ANKRA2: variants seen among roughly 807,000 people sequenced by gnomAD.
ANKRA2 encodes ankyrin repeat family A protein 2.
ANKRA2 carries 33 observed loss-of-function variants against 37.8 expected under a neutral mutation model. That is an observed-to-expected ratio of 0.87 (90% confidence interval 0.66 to 1.17). The LOEUF is 1.17. ANKRA2 is among the 50% of genes most tolerant of loss of function. ANKRA2 has a pLI of 0.00. For synonymous variants in ANKRA2, 126 were observed against 132.3 expected (o/e 0.95, Z 0.33); for missense variants, 326 against 373.7 (o/e 0.87, Z 1.05).
At chr5:73,564,669 CCTTT>C (rs1367749148) in intron 1 of ANKRA2, among the ~76,000 whole-genome samples, 1 of 152,174 alleles carries the variant, frequency 6.6e-6, no homozygotes, top group African/African-American at 2.4e-5. Context: ...TTGAAATAGG[CCTTT>C]CTAATATTCT....
At position 73,557,696 on chromosome 5, in the gene ANKRA2, T is replaced by A. The variant is rs1460147505; in HGVS notation, c.449-56A>T. The A allele has an allele frequency of 4.7e-6, 6 of 1,272,364 alleles. No individual in the cohort carries two copies. The African/African-American group carries it at 9.0e-5, about 19-fold the overall frequency. The allele number at this position is 1,272,364 out of a possible 1,614,324, so 78.8% of individuals were successfully genotyped here. On this transcript the variant is annotated intron_variant, in intron 3 of 8. Coordinates refer to ENST00000296785, the MANE Select transcript of ANKRA2 (RefSeq NM_023039.5). ...TTATCTATAGGGTACACTTGCATCA[T>A]CCCATGGTTCATGTTTGTGTCACCA...
Position 73,554,879 on chromosome 5 carries a change from A to G in ANKRA2, c.720T>C (p.Asp240=), listed in dbSNP as rs1406615797. ...IVKMLLDCGV[D]VNEYDWNGGT... is the part of the protein sequence containing the mutation. ...AACTTACCCAATCATATTCATTTAC[A>G]TCAACTCCACAATCAAGCAGCATTT... is the stretch of plus-strand genomic sequence containing the variant. Residue 240 remains aspartate, a synonymous_variant, in exon 6 of 9, where the codon GAT becomes GAC. Coordinates refer to ENST00000296785, the MANE Select transcript of ANKRA2 (RefSeq NM_023039.5). The G allele has an allele frequency of 2.5e-6, 4 of 1,613,788 alleles. No individual in the cohort carries two copies. The Admixed American group carries it at 5.0e-5, about 20-fold the overall frequency.
intron 7 of ANKRA2, among the ~76,000 whole-genome samples, chr5:73,553,963 G>A (rs1010363932): frequency 7.9e-5 from 12 of 152,090 alleles, no homozygotes; most frequent in Non-Finnish European, 1.5e-4. Context: ...TAGAGACGGG[G>A]TTTCGCCATG....
chr5:73,559,269 T>C (rs1469319749), intron 3 of ANKRA2, among the ~76,000 whole-genome samples: 1 of 152,220 alleles, frequency 6.6e-6, no homozygotes, highest in African/African-American at 2.4e-5. Flanking sequence ...CTTTAGAATA[T>C]AGATATATTT....
intron 3 of ANKRA2, among the ~76,000 whole-genome samples, chr5:73,558,584 G>A (rs1303101969): frequency 1.3e-5 from 2 of 152,162 alleles, no homozygotes; most frequent in African/African-American, 2.4e-5. Flanking sequence ...ACCCAGGCTT[G>A]AGTGCAGTGG....
In ANKRA2 at chr5:73,560,451, C is replaced by T. The variant is rs116562929; in HGVS notation, c.448+679G>A. 4.9e-3 allele frequency among the ~76,000 whole-genome samples: 742 copies of T among 152,286 alleles called. 7 individuals carry two copies. The highest frequency in any genetic ancestry group is 0.017 in the African/African-American group (709 of 41,548). On this transcript the variant is annotated intron_variant, in intron 3 of 8. Transcript: ENST00000296785. ...TTTCAGCTCATTGCAACCTGCTCCT[C>T]CCAGATTCAAGTGATCCTCTCACCT...
intron 8 of ANKRA2, 27 bp downstream of exon 8, chr5:73,553,379 G>A (rs2112004717): frequency 1.3e-6 from 2 of 1,545,904 alleles, no homozygotes; most frequent in Admixed American, 1.7e-5. Context: ...TTACTAAGAT[G>A]AGACACAGGA....
In ANKRA2 at chr5:73,561,283, A is replaced by AT. The variant is rs767618257; in HGVS notation, c.294dup (p.Cys99MetfsTer42). ...GGAGAAGGAGATGTATGGATATTGCATTCAGCTAAGTGAAAAACAAATGTA... is the reference window on the plus strand; with the variant it reads ...GGAGAAGGAGATGTATGGATATTGCATTTCAGCTAAGTGAAAAACAAATGTA... On this transcript the variant is annotated frameshift_variant, in exon 3 of 9. Transcript: ENST00000296785. LOFTEE classifies it high-confidence loss of function. 1.2e-6 allele frequency: 2 copies of AT among 1,612,444 alleles called. No individual in the cohort carries two copies. The highest frequency in any genetic ancestry group is 1.7e-6 in the Non-Finnish European group (2 of 1,178,852).
chr5:73,553,446 A>G lies in ANKRA2; in HGVS notation c.846T>C (p.Tyr282=). 6.2e-7 allele frequency: 1 copy of G among 1,613,594 alleles called. No individual in the cohort carries two copies. The highest frequency in any genetic ancestry group is 8.5e-7 in the Non-Finnish European group (1 of 1,179,748). ...ADPTIETDSG[Y]NSMDLAVALG... ...GGGCTACAGCTAGATCCATAGAATT[A>G]TATCCAGAGTCAGTTTCAATTGTTG... Residue 282 remains tyrosine, a synonymous_variant, in exon 8 of 9, where the codon TAT becomes TAC. Transcript: ENST00000296785.
Position 73,552,611 on chromosome 5 carries a change from A to C in ANKRA2, c.*186T>G. The C allele has an allele frequency of 7.7e-6, 4 of 521,720 alleles. No homozygotes were observed. In the South Asian group the frequency reaches 1.2e-4, roughly 15 times the overall value. The allele number at this position is 521,720 out of a possible 1,614,324, so 32.3% of individuals were successfully genotyped here. A position where few individuals can be genotyped will look rare whatever the true frequency, so the allele number is the denominator to read the frequency against. On this transcript the variant is annotated 3_prime_UTR_variant, in exon 9 of 9. Transcript: ENST00000296785. The stretch of plus-strand genomic sequence containing the variant: ...AATTTATAATTTTAAATATACAGTA[A>C]AACATAGTTATAAAAAGAGTATTAC...
At chr5:73,557,408 TTCC>T in intron 4 of ANKRA2, 164 bp downstream of exon 4, 1 of 370,860 alleles carries the variant, frequency 2.7e-6, no homozygotes. Context: ...ACGCTTTATA[TTCC>T]TTTTTTTTTT....
Position 73,562,756 on chromosome 5 carries a change from T to A in ANKRA2, c.126A>T (p.Glu42Asp). 1 of 1,614,184 alleles carries A rather than the reference T, an allele frequency of 6.2e-7. No homozygotes were observed. Among genetic ancestry groups the A allele is most frequent in the East Asian group, 2.2e-5 (1 of 44,878 alleles). The change falls in exon 2 of 9, where the codon GAA (glutamate) becomes GAT (aspartate). Residue 42 changes from glutamate (E) to aspartate (D), a missense_variant. Around this residue, in one of 3 missense-constraint regions of ANKRA2, gnomAD observed 93 missense variants for 91.1 expected, o/e 1.02. Transcript: ENST00000296785. ...CCATGGCAACACCCTGAGCTGACCC[T>A]TCTTCTGAATTTGGGTCCAGTGGAT... ...IEHPLDPNSE[E>D]GSAQGVAMGM...
intron 6 of ANKRA2, among the ~76,000 whole-genome samples, 169 bp downstream of exon 6, chr5:73,554,692 C>G (rs1747350292): frequency 6.6e-6 from 1 of 152,170 alleles, no homozygotes; most frequent in Non-Finnish European, 1.5e-5. Flanking sequence ...CCTCAAACTT[C>G]TGGGCTCAAG....
At chr5:73,557,152 T>C (rs967579423) in intron 4 of ANKRA2, among the ~76,000 whole-genome samples, 19 of 151,434 alleles carry the variant, frequency 1.3e-4, no homozygotes, top group South Asian at 2.1e-4. Context: ...TGCACACTTA[T>C]GGAACTATGA....
chr5:73,563,835 G>C (rs1747624388), intron 1 of ANKRA2, among the ~76,000 whole-genome samples: 1 of 152,180 alleles, frequency 6.6e-6, no homozygotes, highest in African/African-American at 2.4e-5. Context: ...CATTAGGATC[G>C]CAGTGGAGCA....
At chr5:73,555,438 A>T (rs1425900361) in intron 5 of ANKRA2, 50 bp downstream of exon 5, 1 of 1,604,660 alleles carries the variant, frequency 6.2e-7, no homozygotes, top group East Asian at 2.2e-5. Context: ...TCTACTAAAG[A>T]CTTAACTTAA....
rs1747374776 is a variant in ANKRA2, at chr5:73,555,521, C to T, written c.579G>A (p.Gly193=). The change falls in exon 5 of 9, where the codon GGG becomes GGA. Residue 193 remains glycine (G), a synonymous_variant. Coordinates refer to ENST00000296785, the MANE Select transcript of ANKRA2 (RefSeq NM_023039.5). ...FTPLMWAAAH[G]QIAVVEFLLQ... ...GTAGGAACTCTACCACAGCTATTTG[C>T]CCGTGTGCTGCAGCCCACATCAGAG... 3 of 1,613,720 alleles carry T rather than the reference C, an allele frequency of 1.9e-6. No individual in the cohort carries two copies. In the East Asian group the frequency reaches 6.7e-5, roughly 36 times the overall value.
chr5:73,562,534 A>C (rs1032008106), intron 2 of ANKRA2, 59 bp downstream of exon 2: 1 of 1,464,968 alleles, frequency 6.8e-7, no homozygotes, highest in Non-Finnish European at 9.2e-7. Flanking sequence ...TGATTGGGAA[A>C]ATAACCCAAA....
intron 4 of ANKRA2, among the ~76,000 whole-genome samples, chr5:73,556,820 T>C (rs567908522): frequency 6.6e-4 from 100 of 151,944 alleles, no homozygotes; most frequent in African/African-American, 2.3e-3. Context: ...ACTTAAAAAA[T>C]GTAAATGAAA....
Sources: gnomAD v4.1 joint callset for allele counts (sites outside exome capture counted in the v4.1 genomes callset) on GRCh38, gnomAD v4.1.1 for gene constraint, gnomAD v4.1.1 regional missense constraint, MANE v1.5 for transcripts, NCBI Gene and HGNC (gene_info 2026-07-23, HGNC 2026-07-21) for gene names.